The following C1QBP variants were observed in gnomAD, a reference collection of about 807,000 sequenced individuals.
C1QBP encodes complement C1q binding protein, also known as complement component 1 Q subcomponent-binding protein, mitochondrial.
In C1QBP, 24 loss-of-function variants were observed where a neutral mutation model predicts 29.4. The observed-to-expected ratio is 0.82, with a 90% CI of 0.59 to 1.15. The LOEUF (loss-of-function observed/expected upper bound fraction) is 1.15, where lower values mean the gene tolerates loss of function less well. C1QBP is among the 50% of genes most tolerant of loss of function. The probability of loss-of-function intolerance (pLI) is 0.00; values close to 1 mark genes in which losing one functional copy is unlikely to be tolerated. For missense variants in C1QBP, 337 were observed against 355.8 expected (o/e 0.95, Z 0.43); for synonymous variants, 182 against 149.2 (o/e 1.22, Z -1.60).
intron 4 of C1QBP, 39 bp downstream of exon 4, chr17:5,433,630 C>T: frequency 4.4e-6 from 7 of 1,595,210 alleles, no homozygotes; most frequent in Non-Finnish European, 4.3e-6. Flanking sequence ...CACACTGTTC[C>T]CCAGGGGTGC....
intron 1 of C1QBP, chr17:5,438,616 G>A: frequency 4.2e-6 from 4 of 950,150 alleles, no homozygotes; most frequent in Non-Finnish European, 3.0e-6. Context: ...ATAAGACTAA[G>A]GAAAAAGGTA....
Position 5,433,015 on chromosome 17 carries a change from C to G in C1QBP, c.849G>C (p.Ter283TyrextTer22). ...CTATGGCTTTCAGCATCTGTCTGCT[C>G]TACTGGCTCTTGACAAAACTCTTGA... ...EDLKSFVKSQ[*>Y] The change falls in exon 6 of 6, where the codon TAG (stop) becomes TAC (tyrosine). Residue 283 changes from the stop codon to tyrosine, a stop_lost. Coordinates refer to ENST00000225698, the MANE Select transcript of C1QBP (RefSeq NM_001212.4). 1 of 1,612,022 alleles carries G rather than the reference C, an allele frequency of 6.2e-7. No individual in the cohort carries two copies. Among genetic ancestry groups the G allele is most frequent in the Non-Finnish European group, 8.5e-7 (1 of 1,179,446 alleles).
intron 1 of C1QBP, chr17:5,438,626 A>G: frequency 1.0e-6 from 1 of 977,464 alleles, no homozygotes; most frequent in East Asian, 2.8e-5. Context: ...GGAAAAAGGT[A>G]CCCTAGTATT....
intron 2 of C1QBP, 137 bp downstream of exon 2, chr17:5,437,986 A>T: frequency 8.1e-7 from 1 of 1,238,234 alleles, no homozygotes. Context: ...AAGTTGTCCA[A>T]ATGAATCCTT....
At position 5,433,294 on chromosome 17, in the gene C1QBP, C is replaced by G. The variant is rs1916155090; in HGVS notation, c.698G>C (p.Trp233Ser). The change falls in exon 5 of 6, where the codon TGG (tryptophan) becomes TCG (serine). Residue 233 changes from tryptophan (W) to serine (S), a missense_variant and splice_region_variant. Coordinates refer to ENST00000225698, the MANE Select transcript of C1QBP (RefSeq NM_001212.4). ...NYTLNTDSLD[W>S]ALYDHLMDFL... The stretch of plus-strand genomic sequence containing the variant: ...TCCCCCACCTTATCAAGCACTCACC[C>G]AGTCCAAGGAATCTGTGTTGAGTGT... 1 of 1,614,164 alleles carries G rather than the reference C, an allele frequency of 6.2e-7. No homozygotes were observed. Among genetic ancestry groups the G allele is most frequent in the Admixed American group, 1.7e-5 (1 of 60,024 alleles).
rs568305252 is a variant in C1QBP at position 5,438,625 on chromosome 17, T to C, written c.232+217A>G. 280 of 982,016 alleles carry C rather than the reference T, an allele frequency of 2.9e-4. 1 individual carries two copies. Among genetic ancestry groups the C allele is most frequent in the Non-Finnish European group, 3.8e-4 (262 of 687,096 alleles). 60.8% of individuals were successfully genotyped at this position (982,016 alleles called of 1,614,324 possible). A position where few individuals can be genotyped will look rare whatever the true frequency, so the allele number is the denominator to read the frequency against. On this transcript the variant is annotated intron_variant, in intron 1 of 5. Transcript: ENST00000225698. ...GATAGAATAAGACTAAGGAAAAAGG[T>C]ACCCTAGTATTTAATTTTATTCACC...
intron 1 of C1QBP, 135 bp from the exon 2 acceptor site, chr17:5,438,408 T>C: frequency 8.8e-7 from 1 of 1,135,074 alleles, no homozygotes; most frequent in Middle Eastern, 2.4e-4. Context: ...AGAAGCCTGT[T>C]TCCTTATCGG....
At chr17:5,437,363 G>A (rs187997491) in intron 2 of C1QBP, among the ~76,000 whole-genome samples, 26 of 152,340 alleles carry the variant, frequency 1.7e-4, no homozygotes, top group African/African-American at 4.1e-4. Context: ...TTGAGATGGC[G>A]TCTTGCTCTG....
Position 5,433,025 on chromosome 17 carries a change from T to C in C1QBP, c.839A>G (p.Lys280Arg), listed in dbSNP as rs1329595296. 6 of 1,612,890 alleles carry C rather than the reference T, an allele frequency of 3.7e-6. No homozygotes were observed. The highest frequency in any genetic ancestry group is 5.1e-6 in the Non-Finnish European group (6 of 1,179,672). The change falls in exon 6 of 6, where the codon AAG (lysine) becomes AGG (arginine). Residue 280 changes from lysine (K) to arginine (R), a missense_variant. Physicochemically the swap from Lys to Arg is conservative, Grantham distance 26. Transcript: ENST00000225698. Reference protein sequence around the residue: ...TFLEDLKSFVKSQ With the variant: ...TFLEDLKSFVRSQ Reference sequence around the variant, plus strand: ...CAGCATCTGTCTGCTCTACTGGCTCTTGACAAAACTCTTGAGGTCTTCAAG... The same window carrying C: ...CAGCATCTGTCTGCTCTACTGGCTCCTGACAAAACTCTTGAGGTCTTCAAG...
chr17:5,437,740 T>A (rs1190370282), intron 2 of C1QBP, among the ~76,000 whole-genome samples: 1 of 152,134 alleles, frequency 6.6e-6, no homozygotes, highest in Non-Finnish European at 1.5e-5. Flanking sequence ...GGTCACAAAC[T>A]CCCCACCTCT....
rs1317172680 is a variant in C1QBP at position 5,435,833 on chromosome 17, T to G, written c.384-867A>C. 5.2e-3 allele frequency among the ~76,000 whole-genome samples: 700 copies of G among 133,360 alleles called. 4 individuals are homozygous for G. The highest frequency in any genetic ancestry group is 0.02 in the African/African-American group (649 of 32,354). 87.5% of individuals were successfully genotyped at this position (133,360 alleles called of 152,430 possible). A position where few individuals can be genotyped will look rare whatever the true frequency, so the allele number is the denominator to read the frequency against. On this transcript the variant is annotated intron_variant, in intron 2 of 5. Coordinates refer to ENST00000225698, the MANE Select transcript of C1QBP (RefSeq NM_001212.4). The stretch of plus-strand genomic sequence containing the variant: ...TCACGAGGTCAAGAGATCGAGACCA[T>G]CCTGGCCAACACGATGAAACTCCAT...
chr17:5,436,990 G>C (rs763051753), intron 2 of C1QBP, among the ~76,000 whole-genome samples: 8 of 152,182 alleles, frequency 5.3e-5, no homozygotes, highest in Non-Finnish European at 8.8e-5. Context: ...CTGGGTGACA[G>C]AGCAAGACTC....
Position 5,432,784 on chromosome 17 carries a change from A to C in C1QBP, c.*231T>G. 1 of 759,590 alleles carries C rather than the reference A, an allele frequency of 1.3e-6. No homozygotes were observed. Among genetic ancestry groups the C allele is most frequent in the Non-Finnish European group, 2.0e-6 (1 of 496,848 alleles). The allele number at this position is 759,590 out of a possible 1,614,324, so 47.1% of individuals were successfully genotyped here. A position where few individuals can be genotyped will look rare whatever the true frequency, so the allele number is the denominator to read the frequency against. ...AGAAAAAGACAAACTGCCTTGGAGGAGATAAACCAATTTTATGTCTATCAT... is the reference window on the plus strand; with the variant it reads ...AGAAAAAGACAAACTGCCTTGGAGGCGATAAACCAATTTTATGTCTATCAT... On this transcript the variant is annotated 3_prime_UTR_variant, in exon 6 of 6. Coordinates refer to ENST00000225698, the MANE Select transcript of C1QBP (RefSeq NM_001212.4).
Position 5,439,108 on chromosome 17 carries a change from G to T in C1QBP, c.-35C>A. The T allele has an allele frequency of 6.5e-7, 1 of 1,539,032 alleles. No individual in the cohort carries two copies. The highest frequency in any genetic ancestry group is 8.8e-7 in the Non-Finnish European group (1 of 1,142,650). Reference sequence around the variant, plus strand: ...GACTGCGAACACGTGCAGATGCAAAGGACAACCCAGGCCTAGGCGCCCCGC... The same window carrying T: ...GACTGCGAACACGTGCAGATGCAAATGACAACCCAGGCCTAGGCGCCCCGC... On this transcript the variant is annotated 5_prime_UTR_variant, in exon 1 of 6. Coordinates refer to ENST00000225698, the MANE Select transcript of C1QBP (RefSeq NM_001212.4).
chr17:5,433,768 C>A lies in C1QBP; in HGVS notation c.478-1G>T. 13 of 1,613,890 alleles carry A rather than the reference C, an allele frequency of 8.1e-6. No homozygotes were observed. The highest frequency in any genetic ancestry group is 1.1e-5 in the Non-Finnish European group (13 of 1,179,742). On this transcript the variant is annotated splice_acceptor_variant, in intron 3 of 5. Transcript: ENST00000225698. LOFTEE classifies it high-confidence loss of function. Reference sequence around the variant, plus strand: ...AATTGGGAGTTGATGTCAGTTCAGGCTGGGGAAACAAGAAGTCAATACATG... The same window carrying A: ...AATTGGGAGTTGATGTCAGTTCAGGATGGGGAAACAAGAAGTCAATACATG...
intron 1 of C1QBP, 105 bp from the exon 2 acceptor site, chr17:5,438,378 TCTG>T: frequency 7.4e-7 from 1 of 1,346,008 alleles, no homozygotes; most frequent in Non-Finnish European, 1.0e-6. Context: ...TTCTAATCTC[TCTG>T]CTATTACGGT....
Position 5,438,957 on chromosome 17 carries a change from G to A in C1QBP, c.117C>T (p.Cys39=), listed in dbSNP as rs1239944352. ...CGCTGAGCAGCCCGAAGGGCCGGGT[G>A]CACAGCCGGGGTGCCGGCTGCAGGA... ...RQLLQPAPRL[C]TRPFGLLSVR... is the part of the protein sequence containing the mutation. The change falls in exon 1 of 6, where the codon TGC becomes TGT. Residue 39 remains cysteine (C), a synonymous_variant. Transcript: ENST00000225698. 2 of 1,509,350 alleles carry A rather than the reference G, an allele frequency of 1.3e-6. No individual in the cohort carries two copies. Among genetic ancestry groups the A allele is most frequent in the Non-Finnish European group, 1.8e-6 (2 of 1,131,100 alleles). 93.5% of individuals were successfully genotyped at this position (1,509,350 alleles called of 1,614,324 possible). A position where few individuals can be genotyped will look rare whatever the true frequency, so the allele number is the denominator to read the frequency against.
chr17:5,435,401 C>A (rs1916241663), intron 2 of C1QBP, among the ~76,000 whole-genome samples: 1 of 152,116 alleles, frequency 6.6e-6, no homozygotes, highest in Non-Finnish European at 1.5e-5. Flanking sequence ...AACAGAAGCC[C>A]CTTTAAGAGA....
At chr17:5,436,922 G>T (rs1293551274) in intron 2 of C1QBP, among the ~76,000 whole-genome samples, 1 of 152,146 alleles carries the variant, frequency 6.6e-6, no homozygotes, top group Non-Finnish European at 1.5e-5. Flanking sequence ...CAGGAGAATT[G>T]TCAGAACCTG....
Sources: gnomAD v4.1 joint callset for allele counts (sites outside exome capture counted in the v4.1 genomes callset) on GRCh38, gnomAD v4.1.1 for gene constraint, MANE v1.5 for transcripts, NCBI Gene and HGNC (gene_info 2026-07-23, HGNC 2026-07-21) for gene names.